Variants in EPG5 observed in about 807,000 individuals in gnomAD.
EPG5 encodes ectopic P granules protein 5 homolog.
Under a neutral mutation model 302.7 loss-of-function variants are expected in EPG5, and 159 were observed. That is an observed-to-expected ratio of 0.53 (90% CI 0.46 to 0.60). The LOEUF is 0.60. EPG5 is among the 20% of genes least tolerant of loss of function. The pLI is 0.00. For synonymous variants in EPG5, 1,158 were observed against 1,136.8 expected (o/e 1.02, Z -0.37); for missense variants, 2,896 against 3,092.4 (o/e 0.94, Z 1.51).
At chr18:45,867,099 T>C in intron 37 of EPG5, 92 bp from the exon 38 acceptor site, 1 of 839,108 alleles carries the variant, frequency 1.2e-6, no homozygotes, top group East Asian at 2.6e-5. Context: ...ACTACTAAGA[T>C]GGCCTATGGT....
chr18:45,938,796 G>A (rs2050594753), intron 10 of EPG5, among the ~76,000 whole-genome samples: 1 of 152,128 alleles, frequency 6.6e-6, no homozygotes, highest in South Asian at 2.1e-4. Context: ...ACTTTCCCAG[G>A]GTAACAGTAA....
chr18:45,920,085 G>A (rs975921169), intron 16 of EPG5, among the ~76,000 whole-genome samples: 9 of 152,206 alleles, frequency 5.9e-5, no homozygotes, highest in African/African-American at 2.2e-4. Flanking sequence ...ACAGGCGTCA[G>A]TGAGAAGTGT....
the EPG5 span, chr18:45,839,076 C>T: frequency 1.0e-3 from 1,503 of 1,433,470 alleles, 12 homozygotes; most frequent in Middle Eastern, 0.03. Context: ...TGGCCGCCCG[C>T]GCTGCCCGCC....
At chr18:45,806,282 G>T in the EPG5 span, among the ~76,000 whole-genome samples, 3 of 152,134 alleles carry the variant, frequency 2.0e-5, no homozygotes, top group Admixed American at 2.0e-4. Flanking sequence ...AATATATTCA[G>T]ATAACAGAAA....
At chr18:45,917,149 C>G (rs2050050786) in intron 17 of EPG5, among the ~76,000 whole-genome samples, 1 of 152,148 alleles carries the variant, frequency 6.6e-6, no homozygotes, top group Admixed American at 6.5e-5. Flanking sequence ...CTTCATGTCC[C>G]CACTGTACAG....
At chr18:45,903,222 T>C (rs757324925) in intron 25 of EPG5, among the ~76,000 whole-genome samples, 7 of 152,018 alleles carry the variant, frequency 4.6e-5, no homozygotes, top group African/African-American at 7.2e-5. Flanking sequence ...TCATTTAATA[T>C]TTAAAATTAA....
rs370069668 is a variant in EPG5, at chr18:45,867,305, G to A, written c.6411+258C>T. Reference sequence around the variant, plus strand: ...AATTGACTTCAAGAAGCATACAAGAGATTGAAGTAGATATTAATGAGATAC... The same window carrying A: ...AATTGACTTCAAGAAGCATACAAGAAATTGAAGTAGATATTAATGAGATAC... On this transcript the variant is annotated intron_variant, in intron 37 of 43. Coordinates refer to ENST00000282041, the MANE Select transcript of EPG5 (RefSeq NM_020964.3). 3.5e-4 allele frequency among the ~76,000 whole-genome samples: 54 copies of A among 152,312 alleles called. 1 individual carries two copies. The East Asian group carries it at 6.4e-3, about 18-fold the overall frequency.
In EPG5 at chr18:45,904,126, G is replaced by A; in HGVS notation, c.4330-9C>T. 1 of 1,607,228 alleles carries A rather than the reference G, an allele frequency of 6.2e-7. No individual in the cohort carries two copies. Among genetic ancestry groups the A allele is most frequent in the East Asian group, 2.3e-5 (1 of 44,298 alleles). ...TACTCCATCCACAGATCCTGAAACA[G>A]AACGACAGTACTTTAACTCTGACAG... On this transcript the variant is annotated splice_polypyrimidine_tract_variant and intron_variant, in intron 24 of 43. Coordinates refer to ENST00000282041, the MANE Select transcript of EPG5 (RefSeq NM_020964.3).
At chr18:45,958,499 A>G (rs1178405710) in intron 1 of EPG5, among the ~76,000 whole-genome samples, 1 of 152,238 alleles carries the variant, frequency 6.6e-6, no homozygotes, top group Non-Finnish European at 1.5e-5. Flanking sequence ...CAAAACTGAG[A>G]ATCCAGAAAT....
intron 14 of EPG5, among the ~76,000 whole-genome samples, chr18:45,923,899 A>G (rs776314094): frequency 1.4e-4 from 22 of 152,114 alleles, no homozygotes; most frequent in South Asian, 4.2e-4. Context: ...ACGGTGGTGC[A>G]CGCCTGTAGT....
chr18:45,942,138 TG>T (rs2050679228), intron 9 of EPG5, among the ~76,000 whole-genome samples: 1 of 152,020 alleles, frequency 6.6e-6, no homozygotes, highest in Admixed American at 6.6e-5. Flanking sequence ...GGTGGGAGAA[TG>T]GCTTTAACCT....
At chr18:45,840,139 G>A in the EPG5 span, 1 of 1,558,784 alleles carries the variant, frequency 6.4e-7, no homozygotes, top group Non-Finnish European at 8.8e-7. Context: ...ACATGGCATG[G>A]GTGGGGGTGG....
chr18:45,936,373 T>C (rs2145855373), intron 10 of EPG5, among the ~76,000 whole-genome samples: 1 of 152,260 alleles, frequency 6.6e-6, no homozygotes, highest in East Asian at 1.9e-4. Context: ...TGTATGTAAA[T>C]GTTATCACAA....
intron 1 of EPG5, among the ~76,000 whole-genome samples, chr18:45,963,089 G>A (rs532617825): frequency 8.5e-5 from 13 of 152,284 alleles, no homozygotes; most frequent in African/African-American, 3.1e-4. Context: ...AAGAGGCTAC[G>A]AAGGGTACTG....
chr18:45,839,537 G>A, the EPG5 span, among the ~76,000 whole-genome samples: 2 of 152,248 alleles, frequency 1.3e-5, no homozygotes, highest in East Asian at 1.9e-4. Flanking sequence ...CGTGCTGAGC[G>A]GTAGACAGAT....
chr18:45,935,759 T>C (rs891392562), intron 10 of EPG5, among the ~76,000 whole-genome samples: 1 of 152,142 alleles, frequency 6.6e-6, no homozygotes, highest in Non-Finnish European at 1.5e-5. Context: ...CTCTGAACAC[T>C]GAACAAAGTT....
At position 45,954,777 on chromosome 18, in the gene EPG5, T is replaced by A; in HGVS notation, c.625A>T (p.Thr209Ser). ...SSCPAKHGFQ[T>S]PRVKKLYPQL... ...GGATACAGTTTCTTCACTCTAGGTG[T>A]CTGAAAACCATGTTTGGCTGGGCAA... is the stretch of plus-strand genomic sequence containing the variant. Residue 209 changes from threonine to serine, a missense_variant, in exon 2 of 44, where the codon ACA (threonine) becomes TCA (serine). Around this residue, in one of 5 missense-constraint regions of EPG5, gnomAD observed 1,390 missense variants for 1,430.0 expected, o/e 0.97. Transcript: ENST00000282041. The A allele has an allele frequency of 1.2e-6, 2 of 1,613,830 alleles. No homozygotes were observed. Among genetic ancestry groups the A allele is most frequent in the Middle Eastern group, 1.7e-4 (1 of 6,060 alleles).
At chr18:45,942,352 C>A (rs2050686939) in intron 9 of EPG5, among the ~76,000 whole-genome samples, 1 of 152,134 alleles carries the variant, frequency 6.6e-6, no homozygotes, top group Non-Finnish European at 1.5e-5. Flanking sequence ...CCTGTAATCC[C>A]AGCACTTTGG....
the EPG5 span, among the ~76,000 whole-genome samples, chr18:45,810,276 A>G: frequency 3.9e-5 from 6 of 152,200 alleles, no homozygotes; most frequent in East Asian, 9.6e-4. Context: ...GCAGAATTCT[A>G]CCAGACATTC....
Sources: gnomAD v4.1 joint callset for allele counts (sites outside exome capture counted in the v4.1 genomes callset) on GRCh38, gnomAD v4.1.1 for gene constraint, gnomAD v4.1.1 regional missense constraint, MANE v1.5 for transcripts, NCBI Gene and HGNC (gene_info 2026-07-23, HGNC 2026-07-21) for gene names.